The following ZPBP variants were observed in gnomAD, a reference collection of about 807,000 sequenced individuals.
ZPBP encodes zona pellucida-binding protein 1.
Under a neutral mutation model 44.8 loss-of-function variants are expected in ZPBP, and 26 were observed. The observed-to-expected ratio is 0.58, with a 90% confidence interval of 0.43 to 0.81. The LOEUF is 0.81. Ranked by LOEUF, ZPBP falls within the 30% of genes least tolerant of loss-of-function variation. ZPBP has a pLI of 0.00. For synonymous variants in ZPBP, 174 were observed against 153.2 expected, an observed-to-expected ratio of 1.14 and a Z score of -1.00; for missense variants, 409 against 434.0, an observed-to-expected ratio of 0.94 and a Z score of 0.51.
chr7:50,034,282 C>A lies in ZPBP; in HGVS notation c.488-2972G>T, dbSNP rs1799732544. 2.0e-5 allele frequency among the ~76,000 whole-genome samples: 3 copies of A among 151,822 alleles called. No individual in the cohort carries two copies. In the South Asian group the frequency reaches 6.2e-4, roughly 31 times the overall value. ...ACTAAAATTTCCAATATTTCTCCCA[C>A]TCACTCATCTGACTTGAAATCCCTA... On this transcript the variant is annotated intron_variant, in intron 4 of 7. Transcript: ENST00000046087.
intron 1 of ZPBP, among the ~76,000 whole-genome samples, chr7:49,923,068 C>T (rs1794091132): frequency 6.6e-6 from 1 of 151,998 alleles, no homozygotes; most frequent in Non-Finnish European, 1.5e-5. Flanking sequence ...AATCTGAAGA[C>T]AGATCAAATG....
At chr7:50,073,351 TGAA>T (rs1584175518) in intron 3 of ZPBP, among the ~76,000 whole-genome samples, 1 of 151,544 alleles carries the variant, frequency 6.6e-6, no homozygotes, top group Non-Finnish European at 1.5e-5. Context: ...TAAAAATACA[TGAA>T]GGAGACAAAA....
intron 1 of ZPBP, among the ~76,000 whole-genome samples, chr7:50,091,055 T>C (rs1444082033): frequency 6.6e-6 from 1 of 152,194 alleles, no homozygotes; most frequent in Non-Finnish European, 1.5e-5. Flanking sequence ...TGCATTTCTC[T>C]GATAACTAGT....
intron 5 of ZPBP, among the ~76,000 whole-genome samples, chr7:50,029,394 T>C (rs1158674122): frequency 6.6e-6 from 1 of 152,162 alleles, no homozygotes; most frequent in African/African-American, 2.4e-5. Context: ...GAGTAAATCT[T>C]GATGACCTCA....
intron 7 of ZPBP, among the ~76,000 whole-genome samples, chr7:49,980,065 TATTATA>T (rs1258729634): frequency 1.1e-5 from 1 of 90,664 alleles, no homozygotes; most frequent in Non-Finnish European, 1.9e-5. Context: ...TTTTATATTA[TATTATA>T]ATATATATAA....
At chr7:49,941,700 T>G (rs927227814) in intron 7 of ZPBP, among the ~76,000 whole-genome samples, 5 of 152,102 alleles carry the variant, frequency 3.3e-5, no homozygotes, top group Middle Eastern at 3.2e-3. Context: ...ATTAAAGTGT[T>G]AACACCACAC....
intron 4 of ZPBP, among the ~76,000 whole-genome samples, chr7:50,047,662 CAA>C (rs60779181): frequency 0.016 from 2,091 of 129,698 alleles, 29 homozygotes; most frequent in African/African-American, 0.039. Context: ...ACCCAAATGG[CAA>C]AAAAAAAAAA....
chr7:49,951,917 A>G (rs1795361023), intron 7 of ZPBP, among the ~76,000 whole-genome samples: 3 of 152,020 alleles, frequency 2.0e-5, no homozygotes, highest in Non-Finnish European at 4.4e-5. Flanking sequence ...GATACATGCT[A>G]CATCATAGAT....
At chr7:50,086,673 A>C (rs952118840) in intron 2 of ZPBP, among the ~76,000 whole-genome samples, 5 of 152,228 alleles carry the variant, frequency 3.3e-5, no homozygotes, top group African/African-American at 1.2e-4. Flanking sequence ...AAAAGAAAAA[A>C]AGAATAAAGA....
At chr7:49,858,770 GT>G (rs1790531980) in intron 2 of ZPBP, among the ~76,000 whole-genome samples, 1 of 152,032 alleles carries the variant, frequency 6.6e-6, no homozygotes, top group Admixed American at 6.5e-5. Context: ...TTTACCTTCA[GT>G]TTTGTTACTT....
At chr7:50,070,404 G>A (rs763661319) in intron 3 of ZPBP, among the ~76,000 whole-genome samples, 26 of 152,152 alleles carry the variant, frequency 1.7e-4, no homozygotes, top group South Asian at 8.3e-4. Context: ...CTACAGCCCC[G>A]TACCTGGTTC....
chr7:49,951,539 CT>C (rs200672287), intron 7 of ZPBP, among the ~76,000 whole-genome samples: 8,109 of 137,974 alleles, frequency 0.059, 202 homozygotes, highest in Middle Eastern at 0.08. Context: ...AATGGTTAAA[CT>C]TTTTTTTTTT....
Position 49,884,341 on chromosome 7 carries a change from C to T in ZPBP, n.509+16777G>A, listed in dbSNP as rs978941552. On this transcript the variant is annotated intron_variant and non_coding_transcript_variant, in intron 2 of 2. Coordinates refer to the ZPBP transcript ENST00000465922. ...AGCCAATCACTGAGTTGAGTATTGC[C>T]AGGGAAGAAGGCTTTAACCGGGTGC... 6.6e-5 allele frequency among the ~76,000 whole-genome samples: 10 copies of T among 152,168 alleles called. No individual in the cohort carries two copies. The East Asian group carries it at 1.9e-3, about 29-fold the overall frequency.
At chr7:49,957,880 G>C (rs1795680230) in intron 7 of ZPBP, among the ~76,000 whole-genome samples, 1 of 152,136 alleles carries the variant, frequency 6.6e-6, no homozygotes, top group African/African-American at 2.4e-5. Flanking sequence ...CAACCTACAA[G>C]AGCTGTTGTT....
chr7:50,033,331 C>T (rs931884905), intron 4 of ZPBP, among the ~76,000 whole-genome samples: 3 of 152,110 alleles, frequency 2.0e-5, no homozygotes, highest in Non-Finnish European at 4.4e-5. Context: ...TGCGATGTCA[C>T]ATTTTCAGGT....
intron 1 of ZPBP, among the ~76,000 whole-genome samples, chr7:49,910,323 T>G (rs1174538603): frequency 2.0e-5 from 3 of 152,244 alleles, no homozygotes; most frequent in Admixed American, 2.0e-4. Context: ...ATTAATTTAT[T>G]TTTTAAAATT....
At chr7:50,074,585 T>G (rs999521882) in intron 3 of ZPBP, among the ~76,000 whole-genome samples, 40 of 151,796 alleles carry the variant, frequency 2.6e-4, no homozygotes, top group East Asian at 1.9e-4. Context: ...AGATACTTCA[T>G]GCCAATGGAG....
At chr7:49,922,844 A>T (rs1159767338) in intron 1 of ZPBP, among the ~76,000 whole-genome samples, 1 of 152,208 alleles carries the variant, frequency 6.6e-6, no homozygotes, top group African/African-American at 2.4e-5. Flanking sequence ...TCTCCTAATG[A>T]TGGAATAATC....
Position 50,031,223 on chromosome 7 carries a change from T to C in ZPBP, c.575A>G (p.Lys192Arg). The C allele has an allele frequency of 6.2e-7, 1 of 1,613,402 alleles. No individual in the cohort carries two copies. The highest frequency in any genetic ancestry group is 8.5e-7 in the Non-Finnish European group (1 of 1,179,820). The change falls in exon 5 of 8, where the codon AAG (lysine) becomes AGG (arginine). Residue 192 changes from lysine to arginine, a missense_variant. This residue lies in a region of ZPBP where 367 missense variants were observed against 363.1 expected (regional missense o/e 1.01). Coordinates refer to ENST00000046087, the MANE Select transcript of ZPBP (RefSeq NM_007009.3). ...CNSIYNISFEKKLLQILSKLL... is the reference protein window; with the variant it reads ...CNSIYNISFERKLLQILSKLL... Reference sequence around the variant, plus strand: ...TTTGCTTAAAATCTGAAGAAGTTTCTTCTCAAAAGAAATATTATAAATGCT... The same window carrying C: ...TTTGCTTAAAATCTGAAGAAGTTTCCTCTCAAAAGAAATATTATAAATGCT...
Sources: gnomAD v4.1 joint callset for allele counts (sites outside exome capture counted in the v4.1 genomes callset) on GRCh38, gnomAD v4.1.1 for gene constraint, gnomAD v4.1.1 regional missense constraint, MANE v1.5 for transcripts, NCBI Gene and HGNC (gene_info 2026-07-23, HGNC 2026-07-21) for gene names.